SORCS2: variants seen among roughly 807,000 people sequenced by gnomAD.
SORCS2 encodes the protein VPS10 domain-containing receptor SorCS2.
In SORCS2, 100 loss-of-function variants were observed where a neutral mutation model predicts 141.6. The observed-to-expected ratio is 0.71, with a 90% CI of 0.60 to 0.83. The LOEUF (loss-of-function observed/expected upper bound fraction) is 0.83, where lower values mean the gene tolerates loss of function less well. Among genes scored for constraint, SORCS2 ranks in the 40% least tolerant of loss-of-function variants. The pLI, the probability that SORCS2 is intolerant of heterozygous loss-of-function variation, is 0.00. For missense variants in SORCS2, 1,646 were observed against 1,560.2 expected, an observed-to-expected ratio of 1.05 and a Z score of -0.93; for synonymous variants, 789 against 676.9, an observed-to-expected ratio of 1.17 and a Z score of -2.57.
chr4:7,451,129 T>C (rs1728433871), intron 2 of SORCS2, among the ~76,000 whole-genome samples: 1 of 151,820 alleles, frequency 6.6e-6, no homozygotes, highest in Non-Finnish European at 1.5e-5. Context: ...AACGAATGAG[T>C]GAGTGAGGGA....
intron 22 of SORCS2, among the ~76,000 whole-genome samples, chr4:7,728,675 C>T (rs929587439): frequency 1.3e-5 from 2 of 152,206 alleles, no homozygotes; most frequent in Admixed American, 1.3e-4. Flanking sequence ...GCTGGAGCAC[C>T]ACCTCACAGG....
chr4:7,249,759 TC>T (rs1560139958), intron 1 of SORCS2, among the ~76,000 whole-genome samples: 1 of 152,024 alleles, frequency 6.6e-6, no homozygotes, highest in Non-Finnish European at 1.5e-5. Context: ...AGAACTCCCT[TC>T]CCCTCCTGCG....
At chr4:7,304,619 C>G (rs932765852) in intron 1 of SORCS2, among the ~76,000 whole-genome samples, 3 of 152,180 alleles carry the variant, frequency 2.0e-5, no homozygotes, top group Admixed American at 6.5e-5. Context: ...TCTTAGCCCT[C>G]GATTCTTCCT....
rs1386594459 is a variant in SORCS2 at position 7,695,352 on chromosome 4, G to A, written c.1592-1846G>A. ...GATGGATGGATGGATGGATGGATTG[G>A]TGGGTGGATGGATGGATGGATGGAT... is the stretch of plus-strand genomic sequence containing the variant. On this transcript the variant is annotated intron_variant, in intron 11 of 26. Coordinates refer to ENST00000507866, the MANE Select transcript of SORCS2 (RefSeq NM_020777.3). 3.4e-4 allele frequency among the ~76,000 whole-genome samples: 12 copies of A among 34,972 alleles called. 1 individual carries two copies. In the East Asian group the frequency reaches 6.4e-3, roughly 19 times the overall value. 22.9% of individuals were successfully genotyped at this position (34,972 alleles called of 152,430 possible).
intron 2 of SORCS2, chr4:7,460,167 C>G (rs1200001836): frequency 1.9e-5 from 3 of 154,930 alleles, no homozygotes; most frequent in African/African-American, 7.2e-5. Context: ...AGTACCCCCG[C>G]TCCCCACCCA....
chr4:7,586,776 C>T (rs1423979504), intron 3 of SORCS2, among the ~76,000 whole-genome samples: 1 of 152,130 alleles, frequency 6.6e-6, no homozygotes, highest in Non-Finnish European at 1.5e-5. Flanking sequence ...AATTTTAGTG[C>T]CACTTTTACT....
chr4:7,613,850 C>T (rs1718578648), intron 3 of SORCS2, among the ~76,000 whole-genome samples: 2 of 152,050 alleles, frequency 1.3e-5, no homozygotes, highest in African/African-American at 4.8e-5. Flanking sequence ...CACTCATCCG[C>T]CATCTACCCA....
At position 7,550,109 on chromosome 4, in the gene SORCS2, CGTGTGTGTGTGTGTATGTGTGTATGTGT is replaced by C. The variant is rs1234594764; in HGVS notation, c.648+18495_648+18522del. 3.1e-5 allele frequency among the ~76,000 whole-genome samples: 4 copies of C among 129,736 alleles called. No homozygotes were observed. The Admixed American group carries it at 3.2e-4, about 10-fold the overall frequency. 85.1% of individuals were successfully genotyped at this position (129,736 alleles called of 152,430 possible). ...CCGGGAGCTGGTGTTTTTTTTTTTC[CGTGTGTGTGTGTGTATGTGTGTATGTGT>C]GTGTGTGTGTGTGTGTGTGTGTGTA... On this transcript the variant is annotated intron_variant, in intron 3 of 26. Coordinates refer to ENST00000507866, the MANE Select transcript of SORCS2 (RefSeq NM_020777.3).
At chr4:7,655,491 C>CT (rs1386114311) in intron 5 of SORCS2, among the ~76,000 whole-genome samples, 1 of 152,250 alleles carries the variant, frequency 6.6e-6, no homozygotes, top group African/African-American at 2.4e-5. Flanking sequence ...GGCAAGGGCC[C>CT]TTCGTAATGT....
chr4:7,448,012 T>C (rs1174398652), intron 2 of SORCS2, among the ~76,000 whole-genome samples: 1 of 152,164 alleles, frequency 6.6e-6, no homozygotes, highest in Non-Finnish European at 1.5e-5. Context: ...GCCTTGAATG[T>C]GTATGAGCGG....
intron 20 of SORCS2, 27 bp downstream of exon 20, chr4:7,725,314 C>T: frequency 6.2e-7 from 1 of 1,603,922 alleles, no homozygotes; most frequent in East Asian, 2.2e-5. Flanking sequence ...CCAACTCAGC[C>T]CTTCTTCCCG....
At chr4:7,585,995 A>G (rs1370926636) in intron 3 of SORCS2, among the ~76,000 whole-genome samples, 1 of 152,030 alleles carries the variant, frequency 6.6e-6, no homozygotes, top group Non-Finnish European at 1.5e-5. Flanking sequence ...CTAGTTAAAT[A>G]TTTTCACTGG....
intron 20 of SORCS2, among the ~76,000 whole-genome samples, chr4:7,726,269 T>TG (rs931605127): frequency 1.2e-4 from 18 of 152,180 alleles, no homozygotes; most frequent in African/African-American, 4.1e-4. Flanking sequence ...TAAATGCCCG[T>TG]GGGGGGCAGG....
chr4:7,428,227 A>G (rs973895087), intron 2 of SORCS2, among the ~76,000 whole-genome samples: 2 of 152,198 alleles, frequency 1.3e-5, no homozygotes, highest in African/African-American at 4.8e-5. Context: ...TCCATATTGT[A>G]TAACTGGAAG....
At chr4:7,209,929 G>GGGGGAA (rs1727966138) in intron 1 of SORCS2, among the ~76,000 whole-genome samples, 1 of 152,250 alleles carries the variant, frequency 6.6e-6, no homozygotes, top group African/African-American at 2.4e-5. Flanking sequence ...ATCCTCTGCC[G>GGGGGAA]GGGGAAGGGG....
intron 1 of SORCS2, among the ~76,000 whole-genome samples, chr4:7,374,170 TCTTTCTTTCTTTCTTTCTTTCTTTC>T (rs1722474915): frequency 1.4e-5 from 2 of 142,204 alleles, no homozygotes; most frequent in Admixed American, 7.2e-5. Flanking sequence ...TTTCTTTCTT[TCTTTCTTTCTTTCTTTCTTTCTTTC>T]TTTTTTGCAG....
At chr4:7,358,912 C>T (rs372048649) in intron 1 of SORCS2, among the ~76,000 whole-genome samples, 1 of 151,970 alleles carries the variant, frequency 6.6e-6, no homozygotes, top group South Asian at 2.1e-4. Context: ...GATCACAGCT[C>T]ACTGCAGTCT....
chr4:7,677,410 G>C (rs1723236274), intron 9 of SORCS2, among the ~76,000 whole-genome samples: 1 of 152,268 alleles, frequency 6.6e-6, no homozygotes, highest in African/African-American at 2.4e-5. Flanking sequence ...CTGAGGCTCA[G>C]AGAAGGCAAA....
At chr4:7,718,366 A>G (rs1050044402) in intron 18 of SORCS2, among the ~76,000 whole-genome samples, 183 bp downstream of exon 18, 1 of 152,186 alleles carries the variant, frequency 6.6e-6, no homozygotes, top group Non-Finnish European at 1.5e-5. Context: ...CCGAGTCGAG[A>G]CCAGCATTTA....
Sources: gnomAD v4.1 joint callset for allele counts (sites outside exome capture counted in the v4.1 genomes callset) on GRCh38, gnomAD v4.1.1 for gene constraint, MANE v1.5 for transcripts, NCBI Gene and HGNC (gene_info 2026-07-23, HGNC 2026-07-21) for gene names.